Variants in GBF1 observed in about 807,000 individuals in gnomAD.
GBF1 encodes the protein Golgi-specific brefeldin A-resistance guanine nucleotide exchange factor 1.
GBF1 carries 114 observed loss-of-function variants against 210.5 expected under a neutral mutation model. The ratio of observed to expected loss-of-function variants is 0.54; its 90% CI spans 0.47 to 0.63. The LOEUF is 0.63. Ranked by LOEUF, GBF1 falls within the 30% of genes least tolerant of loss-of-function variation. GBF1 has a pLI of 0.00. For missense variants in GBF1, 1,851 were observed against 2,357.7 expected (o/e 0.79, Z 4.45); for synonymous variants, 850 against 889.2 (o/e 0.96, Z 0.78).
rs138343505 is a variant in GBF1, at chr10:102,269,016, C to G, written c.163+8900C>G. Among the ~76,000 whole-genome samples the G allele has an allele frequency of 1.8e-3, 274 of 152,300 alleles. 1 individual carries two copies. The highest frequency in any genetic ancestry group is 5.9e-3 in the African/African-American group (246 of 41,562). On this transcript the variant is annotated intron_variant, in intron 3 of 39. Transcript: ENST00000369983. ...AAACCAGGAGATAATTTGCACCTCA[C>G]CAGTTTAGGGGCCTTTATTCCTTTC...
chr10:102,364,174 G>C (rs555450952), intron 17 of GBF1, among the ~76,000 whole-genome samples: 61 of 146,162 alleles, frequency 4.2e-4, no homozygotes, highest in African/African-American at 1.5e-3. Context: ...CTTTAGTAAG[G>C]TTCAAATAGT....
At position 102,365,481 on chromosome 10, in the gene GBF1, C is replaced by G; in HGVS notation, c.2191C>G (p.Pro731Ala). Residue 731 changes from proline (P) to alanine (A), a missense_variant, in exon 18 of 40, where the codon CCA becomes GCA. This residue lies in a region of GBF1 where 804 missense variants were observed against 958.6 expected (regional missense o/e 0.84). Transcript: ENST00000369983. ...FLQEKGLLTIPMDNTEVAQWL... is the reference protein window; with the variant it reads ...FLQEKGLLTIAMDNTEVAQWL... ...GCAAGAGAAAGGCCTCCTCACCATC[C>G]CAATGGACAACACAGAGGTTGCTCA... 1 of 1,613,898 alleles carries G rather than the reference C, an allele frequency of 6.2e-7. No individual in the cohort carries two copies. Among genetic ancestry groups the G allele is most frequent in the African/African-American group, 1.3e-5 (1 of 75,056 alleles).
chr10:102,253,042 C>A lies in GBF1; in HGVS notation c.-10-5887C>A, dbSNP rs2071796340. 3.3e-5 allele frequency among the ~76,000 whole-genome samples: 5 copies of A among 152,128 alleles called. 1 individual carries two copies. In the South Asian group the frequency reaches 1.0e-3, roughly 32 times the overall value. ...CCTGAGTAGCTGGGATTACAGGCCC[C>A]TGCCATCATGCCCAGCTAATTTTTG... is the stretch of plus-strand genomic sequence containing the variant. On this transcript the variant is annotated intron_variant, in intron 1 of 39. Coordinates refer to ENST00000369983, the MANE Select transcript of GBF1 (RefSeq NM_001377137.1).
chr10:102,230,864 C>A, the GBF1 span: 1 of 1,602,276 alleles, frequency 6.2e-7, no homozygotes, highest in South Asian at 1.1e-5. Flanking sequence ...GGCGAGAAGA[C>A]GGGCTGCGAA....
In GBF1 at chr10:102,305,175, TTGTGTGTGTG is replaced by T. The variant is rs60026956; in HGVS notation, c.164-38840_164-38831del. On this transcript the variant is annotated intron_variant, in intron 3 of 39. Coordinates refer to ENST00000369983, the MANE Select transcript of GBF1 (RefSeq NM_001377137.1). ...GAACCTTCTGAAATTATATGCAGAT[TTGTGTGTGTG>T]TGTGTGTGTGTGTGTGTGTGTGTGT... Among the ~76,000 whole-genome samples the T allele has an allele frequency of 7.4e-3, 1,029 of 139,730 alleles. 9 individuals are homozygous for T. The highest frequency in any genetic ancestry group is 0.022 in the African/African-American group (818 of 37,316). The allele number at this position is 139,730 out of a possible 152,430, so 91.7% of individuals were successfully genotyped here. A position where few individuals can be genotyped will look rare whatever the true frequency, so the allele number is the denominator to read the frequency against.
the GBF1 span, among the ~76,000 whole-genome samples, chr10:102,238,835 C>T: frequency 6.6e-6 from 1 of 152,188 alleles, no homozygotes; most frequent in African/African-American, 2.4e-5. Flanking sequence ...CTCCCTCCAC[C>T]CTGTAGCCAT....
chr10:102,254,419 TC>T (rs2072045942), intron 1 of GBF1, among the ~76,000 whole-genome samples: 1 of 152,226 alleles, frequency 6.6e-6, no homozygotes, highest in Admixed American at 6.5e-5. Flanking sequence ...CTAAGAGATT[TC>T]AAGTTTTGCT....
Position 102,382,209 on chromosome 10 carries a change from A to G in GBF1, c.5456A>G (p.Gln1819Arg). The G allele has an allele frequency of 1.2e-6, 2 of 1,613,996 alleles. No homozygotes were observed. The highest frequency in any genetic ancestry group is 1.7e-6 in the Non-Finnish European group (2 of 1,179,886). Residue 1819 changes from glutamine to arginine, a missense_variant, in exon 40 of 40, where the codon CAG (glutamine) becomes CGG (arginine). Coordinates refer to ENST00000369983, the MANE Select transcript of GBF1 (RefSeq NM_001377137.1). ...LILQPLASPLQVGVPPMTLPI... is the reference protein window; with the variant it reads ...LILQPLASPLRVGVPPMTLPI... ...CTGCAGCCCTTGGCCTCCCCACTGC[A>G]GGTGGGCGTGCCACCTATGACTCTG...
chr10:102,382,509 C>T lies in GBF1; in HGVS notation c.*173C>T. ...GATAGCCCCAGCTAAGACCCCCAAT[C>T]AGCTGTGGGACCTTTTTCCTCCTCT... On this transcript the variant is annotated 3_prime_UTR_variant, in exon 40 of 40. Transcript: ENST00000369983. The T allele has an allele frequency of 1.7e-6, 1 of 583,278 alleles. No individual in the cohort carries two copies. The highest frequency in any genetic ancestry group is 3.0e-6 in the Non-Finnish European group (1 of 337,476). 36.1% of individuals were successfully genotyped at this position (583,278 alleles called of 1,614,324 possible). A position where few individuals can be genotyped will look rare whatever the true frequency, so the allele number is the denominator to read the frequency against.
At chr10:102,361,488 A>G (rs534064487) in intron 13 of GBF1, among the ~76,000 whole-genome samples, 1 of 152,348 alleles carries the variant, frequency 6.6e-6, no homozygotes, top group East Asian at 1.9e-4. Flanking sequence ...CAAAAGGGCA[A>G]GAGGCAACTT....
At chr10:102,341,065 A>G (rs1444895230) in intron 3 of GBF1, among the ~76,000 whole-genome samples, 2 of 152,352 alleles carry the variant, frequency 1.3e-5, no homozygotes, top group South Asian at 2.1e-4. Flanking sequence ...CTGTATCACT[A>G]CTGAAGGACT....
At chr10:102,320,099 A>T (rs1565104781) in intron 3 of GBF1, among the ~76,000 whole-genome samples, 2 of 152,130 alleles carry the variant, frequency 1.3e-5, no homozygotes, top group African/African-American at 4.8e-5. Context: ...AGCTTCTAGG[A>T]AAGGACACCT....
At chr10:102,342,790 G>A (rs1046305695) in intron 3 of GBF1, among the ~76,000 whole-genome samples, 1 of 152,092 alleles carries the variant, frequency 6.6e-6, no homozygotes, top group East Asian at 1.9e-4. Context: ...TCTGAAAGAT[G>A]AAAGCACAGC....
At chr10:102,259,082 G>T in intron 2 of GBF1, 48 bp downstream of exon 2, 1 of 919,668 alleles carries the variant, frequency 1.1e-6, no homozygotes, top group South Asian at 1.3e-5. Context: ...TTTTATAGGG[G>T]ATCTGTTGGC....
Position 102,366,580 on chromosome 10 carries a change from G to GTA in GBF1, c.2433+75_2433+76insAT. 7.1e-6 allele frequency: 7 copies of GTA among 982,678 alleles called. No individual in the cohort carries two copies. The highest frequency in any genetic ancestry group is 1.0e-5 in the Non-Finnish European group (7 of 685,916). 60.9% of individuals were successfully genotyped at this position (982,678 alleles called of 1,614,324 possible). On this transcript the variant is annotated intron_variant, in intron 19 of 39. Coordinates refer to ENST00000369983, the MANE Select transcript of GBF1 (RefSeq NM_001377137.1). The surrounding 1 kb of genome is among the most constrained non-coding windows in gnomAD (Gnocchi z 4.0). Reference sequence around the variant, plus strand: ...CTGAGGGCTGAAGAATCCAGCTGCTGTCTCTTTTTTTTTTTTTTTTTTTTG... The same window carrying GTA: ...CTGAGGGCTGAAGAATCCAGCTGCTGTATCTCTTTTTTTTTTTTTTTTTTTTG...
At chr10:102,321,099 A>G (rs1478722391) in intron 3 of GBF1, among the ~76,000 whole-genome samples, 1 of 152,170 alleles carries the variant, frequency 6.6e-6, no homozygotes. Flanking sequence ...CCCAGCCTAT[A>G]TTTAATTCTT....
chr10:102,363,508 C>T lies in GBF1; in HGVS notation c.2017+112C>T. ...AACTAAGCAAGCCTTGGTAGCCCGC[C>T]TCGCCTTCAGACTCAGAGAGAGGGA... On this transcript the variant is annotated intron_variant, in intron 16 of 39. Coordinates refer to ENST00000369983, the MANE Select transcript of GBF1 (RefSeq NM_001377137.1). The surrounding 1 kb of genome is among the most constrained non-coding windows in gnomAD (Gnocchi z 4.2). 2 of 1,070,584 alleles carry T rather than the reference C, an allele frequency of 1.9e-6. No homozygotes were observed. The highest frequency in any genetic ancestry group is 2.8e-6 in the Non-Finnish European group (2 of 723,560). The allele number at this position is 1,070,584 out of a possible 1,614,324, so 66.3% of individuals were successfully genotyped here.
In GBF1 at chr10:102,382,656, C is replaced by G. The variant is rs2060922925; in HGVS notation, c.*320C>G. The stretch of plus-strand genomic sequence containing the variant: ...CGGCCCTGCAGTGCCTGCCCACGGT[C>G]AGGCATTGAAAACTAAGCCCAACCA... On this transcript the variant is annotated 3_prime_UTR_variant, in exon 40 of 40. Coordinates refer to ENST00000369983, the MANE Select transcript of GBF1 (RefSeq NM_001377137.1). The G allele has an allele frequency of 3.3e-6, 1 of 303,862 alleles. No individual in the cohort carries two copies. The allele number at this position is 303,862 out of a possible 1,614,324, so 18.8% of individuals were successfully genotyped here.
intron 3 of GBF1, among the ~76,000 whole-genome samples, chr10:102,294,084 AT>A (rs1370753331): frequency 2.0e-5 from 3 of 151,858 alleles, no homozygotes; most frequent in African/African-American, 7.3e-5. Flanking sequence ...GGGCTGTAGT[AT>A]GTATGTTTTA....
Sources: allele counts gnomAD v4.1 joint callset (sites outside exome capture counted in the v4.1 genomes callset), GRCh38; gene constraint gnomAD v4.1.1; regional missense constraint gnomAD v4.1.1; non-coding constraint Gnocchi (gnomAD v3.1); transcripts MANE v1.5; gene names NCBI Gene and HGNC (gene_info 2026-07-23, HGNC 2026-07-21).